B9D1: variants seen among roughly 807,000 people sequenced by gnomAD.
B9D1 encodes B9 domain-containing protein 1.
B9D1 carries 20 observed loss-of-function variants against 26.1 expected under a neutral mutation model. The ratio of observed to expected loss-of-function variants is 0.77; its 90% CI spans 0.54 to 1.12. The LOEUF (loss-of-function observed/expected upper bound fraction) is 1.12. B9D1 is among the 50% of genes most tolerant of loss of function. B9D1 has a pLI of 0.00. For synonymous variants in B9D1, 105 were observed against 103.1 expected (o/e 1.02, Z -0.11); for missense variants, 260 against 273.7 (o/e 0.95, Z 0.35).
intron 3 of B9D1, among the ~76,000 whole-genome samples, chr17:19,354,054 C>G (rs188021910): frequency 7.2e-5 from 11 of 152,192 alleles, no homozygotes; most frequent in Non-Finnish European, 1.5e-4. Context: ...TTTTTATTAT[C>G]ATTCAATTCA....
Position 19,350,267 on chromosome 17 carries a change from G to A in B9D1, c.245-2387C>T, listed in dbSNP as rs1053933623. Among the ~76,000 whole-genome samples, 5 of 151,956 alleles carry A rather than the reference G, an allele frequency of 3.3e-5. 1 individual carries two copies. In the South Asian group the frequency reaches 8.4e-4, roughly 25 times the overall value. On this transcript the variant is annotated intron_variant, in intron 3 of 6. Transcript: ENST00000261499. ...TCTATGAAAAATCCAAAAATTAGGC[G>A]AGGCGCGGTGGCTCACACCTGTAAT...
intron 3 of B9D1, among the ~76,000 whole-genome samples, chr17:19,355,705 G>A (rs1377080669): frequency 6.6e-6 from 1 of 150,518 alleles, no homozygotes; most frequent in Non-Finnish European, 1.5e-5. Context: ...ACGGTGGTGG[G>A]TGCCTGTAGT....
rs75525285 is a variant in B9D1, at chr17:19,370,574, G to C, written c.-298+7285C>G. Among the ~76,000 whole-genome samples, 991 of 152,334 alleles carry C rather than the reference G, an allele frequency of 6.5e-3. 54 individuals are homozygous for C. In the East Asian group the frequency reaches 0.12, roughly 18 times the overall value. ...GCTGCTGGGCTCTCTTGGGACCATAGAGGACTGCAGCACCAATGGTGGAAC... is the reference window on the plus strand; with the variant it reads ...GCTGCTGGGCTCTCTTGGGACCATACAGGACTGCAGCACCAATGGTGGAAC... On this transcript the variant is annotated intron_variant, in intron 1 of 5. Transcript: ENST00000477478. This position sits in a 1 kb window ranked among gnomAD's most constrained non-coding sequence, Gnocchi z 5.1.
At chr17:19,345,432 C>T (rs1908638493) in intron 5 of B9D1, among the ~76,000 whole-genome samples, 1 of 152,124 alleles carries the variant, frequency 6.6e-6, no homozygotes, top group Non-Finnish European at 1.5e-5. Context: ...GATCCTAGTC[C>T]TGGGAAACCG....
At chr17:19,366,668 A>G (rs77557123), upstream of B9D1, among the ~76,000 whole-genome samples, 4,910 of 152,192 alleles carry the variant, frequency 0.032, 271 homozygotes, top group African/African-American at 0.11. Flanking sequence ...CATTTCTCTC[A>G]AAGGCCTTAT....
At chr17:19,371,794 G>T (rs771669054) in intron 1 of B9D1, among the ~76,000 whole-genome samples, 27 of 152,328 alleles carry the variant, frequency 1.8e-4, no homozygotes, top group Non-Finnish European at 3.5e-4. Context: ...AGGGGTGGGG[G>T]TCCTGCAGAA....
chr17:19,343,965 C>T, intron 5 of B9D1, 108 bp from the exon 6 acceptor site: 1 of 1,503,436 alleles, frequency 6.7e-7, no homozygotes, highest in Non-Finnish European at 9.0e-7. Flanking sequence ...CACTCTTGTT[C>T]CAACCGCACC....
chr17:19,369,176 CAGG>C (rs987820239), intron 1 of B9D1, among the ~76,000 whole-genome samples: 4 of 152,170 alleles, frequency 2.6e-5, no homozygotes, highest in African/African-American at 9.7e-5. Flanking sequence ...ATTCTCCTCT[CAGG>C]AGAAGACATT....
upstream of B9D1, among the ~76,000 whole-genome samples, chr17:19,366,089 G>C (rs1047302576): frequency 6.6e-6 from 1 of 151,764 alleles, no homozygotes; most frequent in Non-Finnish European, 1.5e-5. Context: ...CCCACAGTCT[G>C]CTCCCCACTT....
In B9D1 at chr17:19,362,522, C is replaced by T. The variant is rs2152278809; in HGVS notation, c.48G>A (p.Gln16=). ...GGCCGCTCACCTGGGCGCTCTCCAC[C>T]TGCCCGTTGACCATGAGTAGAAAGA... The part of the protein sequence containing the change: ...PSVFLLMVNG[Q]VESAQFPEYD... The change falls in exon 1 of 7, where the codon CAG becomes CAA. Residue 16 remains glutamine, a synonymous_variant. Transcript: ENST00000261499. 1 of 1,578,602 alleles carries T rather than the reference C, an allele frequency of 6.3e-7. No homozygotes were observed.
At chr17:19,362,842 C>T, upstream of B9D1, 1 of 861,736 alleles carries the variant, frequency 1.2e-6, no homozygotes, top group South Asian at 1.6e-5. Context: ...GGAGCGTTGA[C>T]CTGTCGGGTA....
chr17:19,377,388 T>C (rs978269921), intron 1 of B9D1, among the ~76,000 whole-genome samples: 3 of 152,206 alleles, frequency 2.0e-5, no homozygotes, highest in African/African-American at 7.2e-5. Flanking sequence ...TTATTAAAAG[T>C]TGTTTAAAAG....
chr17:19,353,747 C>T (rs1344396866), intron 3 of B9D1, among the ~76,000 whole-genome samples: 1 of 152,140 alleles, frequency 6.6e-6, no homozygotes, highest in Non-Finnish European at 1.5e-5. Flanking sequence ...TCGAGACCAG[C>T]ATGACCAACA....
At chr17:19,344,154 G>A (rs1333703396) in intron 5 of B9D1, among the ~76,000 whole-genome samples, 2 of 152,196 alleles carry the variant, frequency 1.3e-5, no homozygotes, top group Non-Finnish European at 2.9e-5. Flanking sequence ...GGTTCACTGG[G>A]AATGAGAGCT....
intron 5 of B9D1, chr17:19,344,366 C>A: frequency 4.3e-6 from 1 of 232,020 alleles, no homozygotes; most frequent in Non-Finnish European, 8.8e-6. Flanking sequence ...GGGTCCAGGA[C>A]ATGTCACTTC....
intron 3 of B9D1, among the ~76,000 whole-genome samples, chr17:19,354,439 T>C (rs1263677499): frequency 1.3e-5 from 2 of 152,254 alleles, no homozygotes; most frequent in South Asian, 2.1e-4. Flanking sequence ...CACAGTTCTT[T>C]TGAGATAAAA....
At chr17:19,368,241 G>A (rs2152282544) in intron 1 of B9D1, among the ~76,000 whole-genome samples, 1 of 152,296 alleles carries the variant, frequency 6.6e-6, no homozygotes, top group East Asian at 1.9e-4. Flanking sequence ...ATGAGAAGAG[G>A]GCATTGCCTG....
chr17:19,367,018 G>A (rs1011311748), upstream of B9D1, among the ~76,000 whole-genome samples: 3 of 152,182 alleles, frequency 2.0e-5, no homozygotes, highest in Non-Finnish European at 2.9e-5. Flanking sequence ...GGGCGGTCAC[G>A]AGACATGTAG....
intron 1 of B9D1, 129 bp from the exon 2 acceptor site, chr17:19,360,517 G>A (rs1170021826): frequency 1.3e-6 from 1 of 796,486 alleles, no homozygotes; most frequent in African/African-American, 1.7e-5. Context: ...GACGGCTGGA[G>A]ATGTGTTCAG....
Sources: allele counts gnomAD v4.1 joint callset (sites outside exome capture counted in the v4.1 genomes callset), GRCh38; gene constraint gnomAD v4.1.1; non-coding constraint Gnocchi (gnomAD v3.1); transcripts MANE v1.5; gene names NCBI Gene and HGNC (gene_info 2026-07-23, HGNC 2026-07-21).